The following SEZ6L variants were observed in gnomAD, a reference collection of about 807,000 sequenced individuals.
The protein encoded by SEZ6L is seizure 6-like protein.
In SEZ6L, 37 loss-of-function variants were observed where a neutral mutation model predicts 106.2. That is an observed-to-expected ratio of 0.35 (90% CI 0.27 to 0.46). The LOEUF (loss-of-function observed/expected upper bound fraction) is 0.46. Among genes scored for constraint, SEZ6L ranks in the 20% least tolerant of loss-of-function variants. The pLI is 1.00. For missense variants in SEZ6L, 1,172 were observed against 1,332.8 expected, an observed-to-expected ratio of 0.88 and a Z score of 1.88; for synonymous variants, 541 against 570.4, an observed-to-expected ratio of 0.95 and a Z score of 0.73.
intron 1 of SEZ6L, among the ~76,000 whole-genome samples, chr22:26,183,213 C>G (rs117474246): frequency 2.6e-5 from 4 of 152,188 alleles, no homozygotes; most frequent in Admixed American, 6.5e-5. Flanking sequence ...CTCTTTTATT[C>G]TTTCATCCAA....
intron 5 of SEZ6L, 82 bp from the exon 6 acceptor site, chr22:26,305,897 T>G: frequency 7.3e-7 from 1 of 1,378,702 alleles, no homozygotes. Flanking sequence ...CTTCTCTCTC[T>G]CTCTCTCTTT....
chr22:26,169,499 G>T lies in SEZ6L; in HGVS notation c.-171G>T, dbSNP rs562761293. ...GCGCCCGGCGCAGCTCGGCCAGAGC[G>T]ACCGCGGGGCTGAGCGCGCGTCCGC... On this transcript the variant is annotated 5_prime_UTR_variant, in exon 1 of 17. Transcript: ENST00000248933. 5.7e-6 allele frequency: 2 copies of T among 351,662 alleles called. No individual in the cohort carries two copies. Among genetic ancestry groups the T allele is most frequent in the South Asian group, 1.4e-4 (1 of 7,010 alleles). 21.8% of individuals were successfully genotyped at this position (351,662 alleles called of 1,614,324 possible). A position where few individuals can be genotyped will look rare whatever the true frequency, so the allele number is the denominator to read the frequency against.
At chr22:26,316,528 G>A (rs374964941) in intron 9 of SEZ6L, among the ~76,000 whole-genome samples, 2 of 151,990 alleles carry the variant, frequency 1.3e-5, no homozygotes, top group African/African-American at 4.8e-5. Context: ...GGCAGGTGAC[G>A]AGGGGAAAAG....
intron 1 of SEZ6L, among the ~76,000 whole-genome samples, chr22:26,190,172 C>T (rs1284484817): frequency 6.6e-6 from 1 of 151,340 alleles, no homozygotes; most frequent in East Asian, 1.9e-4. Flanking sequence ...CCGCTTTGAC[C>T]ATTTGGAAGT....
At chr22:26,220,530 T>C (rs2078433679) in intron 1 of SEZ6L, among the ~76,000 whole-genome samples, 1 of 152,192 alleles carries the variant, frequency 6.6e-6, no homozygotes, top group Admixed American at 6.5e-5. Flanking sequence ...TGTGTGTTAG[T>C]TGCCTGTCTG....
intron 1 of SEZ6L, among the ~76,000 whole-genome samples, chr22:26,207,234 T>C (rs1941317655): frequency 6.6e-6 from 1 of 152,214 alleles, no homozygotes; most frequent in Admixed American, 6.5e-5. Flanking sequence ...CAGTATTCCA[T>C]TCATCTTGCT....
intron 13 of SEZ6L, among the ~76,000 whole-genome samples, chr22:26,367,466 C>T (rs750131351): frequency 1.3e-5 from 2 of 152,068 alleles, no homozygotes; most frequent in Non-Finnish European, 2.9e-5. Flanking sequence ...ACCTCAGCCT[C>T]GCGAGTGGCT....
At chr22:26,247,561 A>G (rs1296017435) in intron 1 of SEZ6L, among the ~76,000 whole-genome samples, 5 of 152,128 alleles carry the variant, frequency 3.3e-5, no homozygotes, top group Non-Finnish European at 7.4e-5. Flanking sequence ...CTGCAAGCCG[A>G]GGAACACCAA....
At chr22:26,289,965 A>G (rs1171522266) in intron 1 of SEZ6L, among the ~76,000 whole-genome samples, 1 of 152,216 alleles carries the variant, frequency 6.6e-6, no homozygotes, top group African/African-American at 2.4e-5. Context: ...TGTGATTGCA[A>G]TGACAAGAGT....
At chr22:26,256,088 C>T (rs932177278) in intron 1 of SEZ6L, among the ~76,000 whole-genome samples, 1 of 152,108 alleles carries the variant, frequency 6.6e-6, no homozygotes, top group African/African-American at 2.4e-5. Flanking sequence ...CTTCTCCTGC[C>T]CTCTCTTCTC....
chr22:26,334,746 G>A (rs1253193536), intron 9 of SEZ6L, among the ~76,000 whole-genome samples: 3 of 152,174 alleles, frequency 2.0e-5, no homozygotes, highest in South Asian at 2.1e-4. Context: ...TCTTCTGCCA[G>A]GAGCTCACAC....
intron 5 of SEZ6L, among the ~76,000 whole-genome samples, chr22:26,304,149 C>G (rs1449582536): frequency 6.6e-6 from 1 of 151,860 alleles, no homozygotes; most frequent in African/African-American, 2.4e-5. Context: ...GTCAGGAGTT[C>G]GAGACCAGCC....
At position 26,292,621 on chromosome 22, in the gene SEZ6L, C is replaced by T; in HGVS notation, c.310C>T (p.Pro104Ser). The T allele has an allele frequency of 6.2e-7, 1 of 1,613,240 alleles. No individual in the cohort carries two copies. Among genetic ancestry groups the T allele is most frequent in the African/African-American group, 1.3e-5 (1 of 75,038 alleles). ...HDIPALSPLL[P>S]EEARPKHALP... ...CATCCCAGCCCTGTCACCGCTGCTT[C>T]CAGAGGAGGCCCGCCCCAAGCACGC... The change falls in exon 2 of 17, where the codon CCA becomes TCA. Residue 104 changes from proline (P) to serine (S), a missense_variant. Transcript: ENST00000248933.
At chr22:26,179,894 A>G (rs116192475) in intron 1 of SEZ6L, among the ~76,000 whole-genome samples, 91 of 152,318 alleles carry the variant, frequency 6.0e-4, no homozygotes, top group African/African-American at 2.0e-3. Context: ...TATGGTAGCC[A>G]TGAACCACAT....
chr22:26,351,753 G>T (rs1398811119), intron 12 of SEZ6L, among the ~76,000 whole-genome samples: 1 of 152,042 alleles, frequency 6.6e-6, no homozygotes, highest in African/African-American at 2.4e-5. Context: ...CACCATGTTG[G>T]CCAGGCTGGT....
At position 26,292,885 on chromosome 22, in the gene SEZ6L, G is replaced by T. The variant is rs1329978548; in HGVS notation, c.574G>T (p.Ala192Ser). The T allele has an allele frequency of 6.2e-7, 1 of 1,614,048 alleles. No homozygotes were observed. Among genetic ancestry groups the T allele is most frequent in the Admixed American group, 1.7e-5 (1 of 60,012 alleles). The change falls in exon 2 of 17, where the codon GCG becomes TCG. Residue 192 changes from alanine to serine, a missense_variant. By Grantham distance (99) the Ala-to-Ser change is moderately conservative. Coordinates refer to ENST00000248933, the MANE Select transcript of SEZ6L (RefSeq NM_021115.5). Reference protein sequence around the residue: ...VPLWLDRKESAVPTTPAPLQI... With the variant: ...VPLWLDRKESSVPTTPAPLQI... ...CCTTTGGCTGGACCGAAAGGAGAGT[G>T]CGGTCCCTACAACACCCGCACCCCT...
chr22:26,372,925 G>A (rs991035579), intron 13 of SEZ6L, among the ~76,000 whole-genome samples: 1 of 152,164 alleles, frequency 6.6e-6, no homozygotes, highest in South Asian at 2.1e-4. Context: ...CTGGGGCCTC[G>A]CAATTCATTC....
Position 26,293,103 on chromosome 22 carries a change from C to T in SEZ6L, c.792C>T (p.Ser264=), listed in dbSNP as rs749688450. The T allele has an allele frequency of 2.3e-5, 37 of 1,597,766 alleles. No individual in the cohort carries two copies. The South Asian group carries it at 3.9e-4, about 17-fold the overall frequency. ...ASEESQETTT[S]TIITTTVITT... ...AGGAGAGCCAGGAGACCACTACCTC[C>T]ACCATTATCACCACCACGGTCATCA... The change falls in exon 2 of 17, where the codon TCC becomes TCT. Residue 264 remains serine, a synonymous_variant. Coordinates refer to ENST00000248933, the MANE Select transcript of SEZ6L (RefSeq NM_021115.5).
rs572510714 is a variant in SEZ6L, at chr22:26,197,953, G to A, written c.94+28190G>A. 7.9e-5 allele frequency among the ~76,000 whole-genome samples: 12 copies of A among 152,270 alleles called. No individual in the cohort carries two copies. The South Asian group carries it at 1.7e-3, about 21-fold the overall frequency. On this transcript the variant is annotated intron_variant, in intron 1 of 16. Transcript: ENST00000248933. ...GGAATTCCTAGGCAACCCTGGCATG[G>A]TCGTCTCTCTCTGTGGATTCTCTAG...
Sources: gnomAD v4.1 joint callset for allele counts (sites outside exome capture counted in the v4.1 genomes callset) on GRCh38, gnomAD v4.1.1 for gene constraint, MANE v1.5 for transcripts, NCBI Gene and HGNC (gene_info 2026-07-23, HGNC 2026-07-21) for gene names.